The following GOLGA8A variants were observed in gnomAD, a reference collection of about 807,000 sequenced individuals.
The protein encoded by GOLGA8A is golgin subfamily A member 8A.
GOLGA8A carries 3 observed loss-of-function variants against 22.1 expected under a neutral mutation model. That is an observed-to-expected ratio of 0.14 (90% CI 0.06 to 0.35). The LOEUF is 0.35. Among genes scored for constraint, GOLGA8A ranks in the 10% least tolerant of loss-of-function variants. The pLI is 1.00. For synonymous variants in GOLGA8A, 7 were observed against 91.7 expected, an observed-to-expected ratio of 0.08 and a Z score of 5.28; for missense variants, 16 against 233.2, an observed-to-expected ratio of 0.07 and a Z score of 6.07.
At chr15:34,405,994 G>A (rs1892215298) in intron 4 of GOLGA8A, among the ~76,000 whole-genome samples, 1 of 135,624 alleles carries the variant, frequency 7.4e-6, no homozygotes, top group South Asian at 2.4e-4. Flanking sequence ...GCTTTGGTCT[G>A]AGTGAAAGAA....
Position 34,431,162 on chromosome 15 carries a change from C to T in GOLGA8A, c.-1123+4221G>A, listed in dbSNP as rs78905703. Among the ~76,000 whole-genome samples the T allele has an allele frequency of 1.0e-4, 15 of 147,760 alleles. 1 individual carries two copies. In the East Asian group the frequency reaches 2.6e-3, roughly 25 times the overall value. ...AGACAGTTGATAATCAAACCAACTGCGGGAAACCATAAACGATACTTGTTT... is the reference window on the plus strand; with the variant it reads ...AGACAGTTGATAATCAAACCAACTGTGGGAAACCATAAACGATACTTGTTT... On this transcript the variant is annotated intron_variant, in intron 2 of 24. Transcript: ENST00000359187.
Position 34,437,713 on chromosome 15 carries a change from C to CGCGCCGCT in GOLGA8A, c.-1535_-1528dup, listed in dbSNP as rs1893614694. 1.7e-5 allele frequency among the ~76,000 whole-genome samples: 2 copies of CGCGCCGCT among 118,834 alleles called. No homozygotes were observed. The highest frequency in any genetic ancestry group is 3.7e-5 in the Non-Finnish European group (2 of 54,764). The allele number at this position is 118,834 out of a possible 152,430, so 78.0% of individuals were successfully genotyped here. ...GTCCTCGCCGCGCCGCCGTCCTCGC[C>CGCGCCGCT]GCGCCGCTGCCGGGTCTCTCCCGGG... On this transcript the variant is annotated 5_prime_UTR_variant, in exon 1 of 25. Coordinates refer to ENST00000359187, the MANE Select transcript of GOLGA8A (RefSeq NM_181077.5).
At chr15:34,433,682 T>G (rs1893358636) in intron 2 of GOLGA8A, among the ~76,000 whole-genome samples, 1 of 149,216 alleles carries the variant, frequency 6.7e-6, no homozygotes, top group Non-Finnish European at 1.5e-5. Flanking sequence ...TGCTCCCGTG[T>G]TTCATTCACT....
At position 34,380,884 on chromosome 15, in the gene GOLGA8A, G is replaced by A. The variant is rs142129811; in HGVS notation, c.*527C>T. 4.8e-3 allele frequency: 1,029 copies of A among 213,304 alleles called. 8 individuals carry two copies. The highest frequency in any genetic ancestry group is 0.022 in the African/African-American group (913 of 42,114). 13.2% of individuals were successfully genotyped at this position (213,304 alleles called of 1,614,324 possible). ...GGCCTTTAAACAGCTCTAAATGTCA[G>A]TACTCACAGTGGCATATTACAAAGT... On this transcript the variant is annotated 3_prime_UTR_variant, in exon 25 of 25. Transcript: ENST00000359187.
chr15:34,426,258 C>G lies in GOLGA8A; in HGVS notation c.-1123+9125G>C. Among the ~76,000 whole-genome samples the G allele has an allele frequency of 1.3e-5, 2 of 149,770 alleles. 1 individual carries two copies. The highest frequency in any genetic ancestry group is 3.0e-5 in the Non-Finnish European group (2 of 67,310). The stretch of plus-strand genomic sequence containing the variant: ...GCAAGCGTCAGAATAACGCTGCTTG[C>G]GCAAAGGACAAGGGACCATCTCTAA... On this transcript the variant is annotated intron_variant, in intron 2 of 24. Transcript: ENST00000359187.
intron 2 of GOLGA8A, among the ~76,000 whole-genome samples, chr15:34,432,165 C>G (rs1451074460): frequency 6.7e-6 from 1 of 149,206 alleles, no homozygotes; most frequent in African/African-American, 2.5e-5. Flanking sequence ...ACGTCAGCCA[C>G]CTTCCTGGAG....
rs566204015 is a variant in GOLGA8A at position 34,410,685 on chromosome 15, G to A, written c.-1122-2950C>T. ...GGCCTCGCAGATGCTGAAGCGAGGC[G>A]GTGGGGGGTGCTGGGTGCCTTACAG... On this transcript the variant is annotated intron_variant, in intron 2 of 24. Transcript: ENST00000359187. 1.4e-4 allele frequency: 40 copies of A among 289,488 alleles called. 18 individuals carry two copies. The South Asian group carries it at 1.9e-3, about 13-fold the overall frequency. 17.9% of individuals were successfully genotyped at this position (289,488 alleles called of 1,614,324 possible).
intron 2 of GOLGA8A, chr15:34,418,130 T>TTTAAAAA (rs756695001): frequency 1.6e-5 from 1 of 62,776 alleles, no homozygotes; most frequent in African/African-American, 5.6e-5. Flanking sequence ...GTAGATTCTT[T>TTTAAAAA]AAAAAAAAAA....
At chr15:34,436,633 G>A (rs1050741312) in intron 1 of GOLGA8A, among the ~76,000 whole-genome samples, 2 of 150,030 alleles carry the variant, frequency 1.3e-5, no homozygotes, top group African/African-American at 4.9e-5. Context: ...CGGAGAAAAG[G>A]AAGTTCGCCC....
intron 2 of GOLGA8A, 56 bp downstream of exon 2, chr15:34,435,327 G>C (rs1242245625): frequency 4.0e-5 from 6 of 149,568 alleles, no homozygotes; most frequent in African/African-American, 1.5e-4. Context: ...AAAAATCAAA[G>C]TGTCTTATCC....
In GOLGA8A at chr15:34,379,304, T is replaced by G. The variant is rs1891358513; in HGVS notation, c.*2107A>C. On this transcript the variant is annotated 3_prime_UTR_variant, in exon 25 of 25. Coordinates refer to ENST00000359187, the MANE Select transcript of GOLGA8A (RefSeq NM_181077.5). ...TCCTTTTAAACTACAGGATTTATAT[T>G]TTAAAATGTTTTATTTCAGAACATT... 1 of 152,774 alleles carries G rather than the reference T, an allele frequency of 6.5e-6. No homozygotes were observed. The highest frequency in any genetic ancestry group is 1.9e-4 in the East Asian group (1 of 5,192). The allele number at this position is 152,774 out of a possible 1,614,324, so 9.5% of individuals were successfully genotyped here. A position where few individuals can be genotyped will look rare whatever the true frequency, so the allele number is the denominator to read the frequency against.
At chr15:34,424,792 TTA>T (rs1214976757) in intron 2 of GOLGA8A, among the ~76,000 whole-genome samples, 1 of 133,846 alleles carries the variant, frequency 7.5e-6, no homozygotes, top group Admixed American at 7.9e-5. Context: ...TGGGATGAAT[TTA>T]GTTTATTCTA....
chr15:34,420,442 G>A (rs77904890), intron 2 of GOLGA8A, among the ~76,000 whole-genome samples: 13,378 of 147,296 alleles, frequency 0.091, 1,406 homozygotes, highest in South Asian at 0.25. Context: ...GACAGCACAA[G>A]CAGCTCAGGG....
In GOLGA8A at chr15:34,425,844, T is replaced by G. The variant is rs544725403; in HGVS notation, c.-1123+9539A>C. 1.4e-5 allele frequency among the ~76,000 whole-genome samples: 2 copies of G among 145,168 alleles called. 1 individual carries two copies. The highest frequency in any genetic ancestry group is 4.2e-4 in the East Asian group (2 of 4,714). ...CACAGAAGAAACAGCTTCTTATAAT[T>G]CACAATTTTTACAAACACAAAATGA... On this transcript the variant is annotated intron_variant, in intron 2 of 24. Transcript: ENST00000359187.
intron 2 of GOLGA8A, among the ~76,000 whole-genome samples, chr15:34,428,068 G>A (rs7166218): frequency 0.087 from 12,804 of 146,772 alleles, 1,365 homozygotes; most frequent in South Asian, 0.24. Context: ...CACATCAAAT[G>A]GAGCTTTCTC....
chr15:34,427,981 T>C lies in GOLGA8A; in HGVS notation c.-1123+7402A>G, dbSNP rs1414727567. Among the ~76,000 whole-genome samples, 7 of 148,970 alleles carry C rather than the reference T, an allele frequency of 4.7e-5. No individual in the cohort carries two copies. In the East Asian group the frequency reaches 1.2e-3, roughly 25 times the overall value. ...AAATCAGTTGACATGAACTACAGCA[T>C]AATATTAGATGTCTGATTAAAATCA... On this transcript the variant is annotated intron_variant, in intron 2 of 24. Coordinates refer to ENST00000359187, the MANE Select transcript of GOLGA8A (RefSeq NM_181077.5).
chr15:34,430,048 G>A (rs375280891), intron 2 of GOLGA8A, among the ~76,000 whole-genome samples: 10,858 of 144,684 alleles, frequency 0.075, 909 homozygotes, highest in South Asian at 0.2. Context: ...TTGGAGATGA[G>A]GCTGCCTCTA....
chr15:34,403,070 G>A (rs1172909224), intron 5 of GOLGA8A, among the ~76,000 whole-genome samples: 3 of 87,980 alleles, frequency 3.4e-5, no homozygotes, highest in Non-Finnish European at 6.5e-5. Context: ...AGTCTGGTTC[G>A]TTTCCTATTT....
chr15:34,424,502 C>A (rs1329460244), intron 2 of GOLGA8A, among the ~76,000 whole-genome samples: 9 of 147,008 alleles, frequency 6.1e-5, no homozygotes, highest in African/African-American at 2.0e-4. Flanking sequence ...GGCAGGCAGT[C>A]CACAAATTTA....
Sources: allele counts gnomAD v4.1 joint callset (sites outside exome capture counted in the v4.1 genomes callset), GRCh38; gene constraint gnomAD v4.1.1; transcripts MANE v1.5; gene names NCBI Gene and HGNC (gene_info 2026-07-23, HGNC 2026-07-21).